The following POLR2L variants were observed in gnomAD, a reference collection of about 807,000 sequenced individuals.
POLR2L encodes the protein RNA polymerase II, I and III subunit L.
POLR2L carries 7 observed loss-of-function variants against 6.8 expected under a neutral mutation model. The observed-to-expected ratio is 1.03, with a 90% CI of 0.59 to 1.94. The LOEUF is 1.94. Ranked by LOEUF, POLR2L falls within the 30% of genes most tolerant of loss-of-function variation. The probability of loss-of-function intolerance (pLI) is 0.00; values close to 1 mark genes in which losing one functional copy is unlikely to be tolerated. For missense variants in POLR2L, 93 were observed against 86.7 expected (o/e 1.07, Z -0.29); for synonymous variants, 59 against 39.8 (o/e 1.48, Z -1.82).
In POLR2L at chr11:840,309, G is replaced by A. The variant is rs1431637232; in HGVS notation, c.*63C>T. The A allele has an allele frequency of 3.7e-6, 4 of 1,079,024 alleles. No individual in the cohort carries two copies. The highest frequency in any genetic ancestry group is 5.5e-6 in the Non-Finnish European group (4 of 721,596). The allele number at this position is 1,079,024 out of a possible 1,614,324, so 66.8% of individuals were successfully genotyped here. On this transcript the variant is annotated 3_prime_UTR_variant, in exon 2 of 2. Coordinates refer to ENST00000322028, the MANE Select transcript of POLR2L (RefSeq NM_021128.5). ...CAGCTCCCGGATGCCTCAGCCTCGT[G>A]AATTCGGGGCAGGACGCTCAGGGCC...
chr11:840,582 C>A (rs889617053), intron 1 of POLR2L, 102 bp from the exon 2 acceptor site: 4 of 729,060 alleles, frequency 5.5e-6, no homozygotes, highest in Admixed American at 2.4e-5. Context: ...GGCCTCACCC[C>A]CCCCGCCACC....
intron 1 of POLR2L, among the ~76,000 whole-genome samples, chr11:840,921 G>A (rs1846948262): frequency 6.6e-6 from 1 of 152,136 alleles, no homozygotes; most frequent in Non-Finnish European, 1.5e-5. Flanking sequence ...CTGCTCTGCC[G>A]CTGTGGGGTC....
rs776398682 is a variant in POLR2L, at chr11:840,513, G to A, written c.96-33C>T. 7.6e-6 allele frequency: 11 copies of A among 1,448,232 alleles called. No homozygotes were observed. The East Asian group carries it at 2.0e-4, about 27-fold the overall frequency. The allele number at this position is 1,448,232 out of a possible 1,614,324, so 89.7% of individuals were successfully genotyped here. A position where few individuals can be genotyped will look rare whatever the true frequency, so the allele number is the denominator to read the frequency against. ...GAGGGGAGGAGCAGAGGCCAACTGA[G>A]TTCTCTACGGTCTGCAAAGGCCTGG... On this transcript the variant is annotated intron_variant, in intron 1 of 1. Transcript: ENST00000322028.
chr11:840,183 T>C lies in POLR2L; in HGVS notation c.*189A>G, dbSNP rs1000676155. On this transcript the variant is annotated 3_prime_UTR_variant, in exon 2 of 2. Coordinates refer to ENST00000322028, the MANE Select transcript of POLR2L (RefSeq NM_021128.5). The stretch of plus-strand genomic sequence containing the variant: ...GGCCTAGACCTGGCTCCTGACATCC[T>C]AGTGAGGGCTGGGACCTTAGTGGTT... The C allele has an allele frequency of 1.3e-5, 7 of 542,072 alleles. No homozygotes were observed. Among genetic ancestry groups the C allele is most frequent in the African/African-American group, 2.0e-5 (1 of 50,826 alleles). The allele number at this position is 542,072 out of a possible 1,614,324, so 33.6% of individuals were successfully genotyped here. A position where few individuals can be genotyped will look rare whatever the true frequency, so the allele number is the denominator to read the frequency against.
At position 840,353 on chromosome 11, in the gene POLR2L, T is replaced by C. The variant is rs1292727268; in HGVS notation, c.*19A>G. Reference sequence around the variant, plus strand: ...CAGGGCCCATGGTCAGCACAGCGGGTGGGTGGGTTCCAGCGTGGTCACTTC... The same window carrying C: ...CAGGGCCCATGGTCAGCACAGCGGGCGGGTGGGTTCCAGCGTGGTCACTTC... On this transcript the variant is annotated 3_prime_UTR_variant, in exon 2 of 2. Transcript: ENST00000322028. 6.7e-7 allele frequency: 1 copy of C among 1,493,482 alleles called. No homozygotes were observed. Among genetic ancestry groups the C allele is most frequent in the Non-Finnish European group, 9.3e-7 (1 of 1,078,636 alleles). 92.5% of individuals were successfully genotyped at this position (1,493,482 alleles called of 1,614,324 possible).
intron 1 of POLR2L, among the ~76,000 whole-genome samples, chr11:841,457 G>A (rs1339973820): frequency 4.6e-5 from 7 of 152,104 alleles, no homozygotes; most frequent in Admixed American, 2.6e-4. Flanking sequence ...TGCGTGAGAC[G>A]GAGTTTCACT....
intron 1 of POLR2L, among the ~76,000 whole-genome samples, chr11:841,728 A>G (rs548631523): frequency 7.9e-5 from 12 of 152,124 alleles, no homozygotes; most frequent in South Asian, 2.1e-4. Flanking sequence ...GCGAAATCCC[A>G]TCTCTACTGA....
In POLR2L at chr11:839,975, G is replaced by C. The variant is rs1846919309; in HGVS notation, c.*397C>G. ...TGGCTCTTCAGATTCCGAGAGAGAG[G>C]GTACAGGAGCCTCTCTGCTCAGCCT... On this transcript the variant is annotated 3_prime_UTR_variant, in exon 2 of 2. Coordinates refer to ENST00000322028, the MANE Select transcript of POLR2L (RefSeq NM_021128.5). 1 of 164,824 alleles carries C rather than the reference G, an allele frequency of 6.1e-6. No individual in the cohort carries two copies. Among genetic ancestry groups the C allele is most frequent in the Non-Finnish European group, 1.3e-5 (1 of 76,406 alleles). The allele number at this position is 164,824 out of a possible 1,614,324, so 10.2% of individuals were successfully genotyped here.
In POLR2L at chr11:840,367, C is replaced by A. The variant is rs3210213; in HGVS notation, c.*5G>T. The A allele has an allele frequency of 6.3e-7, 1 of 1,576,504 alleles. No homozygotes were observed. The highest frequency in any genetic ancestry group is 8.7e-7 in the Non-Finnish European group (1 of 1,150,402). The stretch of plus-strand genomic sequence containing the variant: ...AGCACAGCGGGTGGGTGGGTTCCAG[C>A]GTGGTCACTTCTCCAGGGGTGCATA... On this transcript the variant is annotated 3_prime_UTR_variant, in exon 2 of 2. Transcript: ENST00000322028.
chr11:842,000 G>A (rs1288240592), intron 1 of POLR2L, among the ~76,000 whole-genome samples: 2 of 152,178 alleles, frequency 1.3e-5, no homozygotes, highest in South Asian at 2.1e-4. Context: ...CTCTCGCCTC[G>A]GCCTCCCAAA....
rs769963238 is a variant in POLR2L at position 840,408 on chromosome 11, G to A, written c.168C>T (p.Ile56=). ...RRMLLAHVDL[I]EKLLNYAPLE... Reference sequence around the variant, plus strand: ...GGGGTGCATAATTGAGCAGCTTCTCGATCAGGTCCACGTGGGCCAGCAGCA... The same window carrying A: ...GGGGTGCATAATTGAGCAGCTTCTCAATCAGGTCCACGTGGGCCAGCAGCA... The change falls in exon 2 of 2, where the codon ATC becomes ATT. Residue 56 remains isoleucine, a synonymous_variant. Coordinates refer to ENST00000322028, the MANE Select transcript of POLR2L (RefSeq NM_021128.5). The A allele has an allele frequency of 5.6e-6, 9 of 1,611,294 alleles. No homozygotes were observed. Among genetic ancestry groups the A allele is most frequent in the East Asian group, 2.2e-5 (1 of 44,822 alleles).
rs560999799 is a variant in POLR2L, at chr11:839,939, C to G, written c.*433G>C. The G allele has an allele frequency of 6.4e-6, 1 of 156,390 alleles. No individual in the cohort carries two copies. Among genetic ancestry groups the G allele is most frequent in the Non-Finnish European group, 1.4e-5 (1 of 70,866 alleles). The allele number at this position is 156,390 out of a possible 1,614,324, so 9.7% of individuals were successfully genotyped here. On this transcript the variant is annotated 3_prime_UTR_variant, in exon 2 of 2. Transcript: ENST00000322028. ...GATTATAGGGGTGAGCCCCTTTGCC[C>G]GGCCTAAATCTGGCTCTTCAGATTC... is the stretch of plus-strand genomic sequence containing the variant.
At chr11:840,990 T>C (rs1261419243) in intron 1 of POLR2L, among the ~76,000 whole-genome samples, 3 of 152,102 alleles carry the variant, frequency 2.0e-5, no homozygotes, top group Admixed American at 2.0e-4. Flanking sequence ...GAGCCACCTC[T>C]CCCACTTCCC....
At chr11:842,277 T>G (rs1229831040) in intron 1 of POLR2L, 137 bp downstream of exon 1, 9 of 508,024 alleles carry the variant, frequency 1.8e-5, no homozygotes. Flanking sequence ...AAGCCGGGCC[T>G]GAAGCTGCTC....
intron 1 of POLR2L, 29 bp from the exon 2 acceptor site, chr11:840,509 C>A: frequency 6.8e-7 from 1 of 1,479,582 alleles, no homozygotes; most frequent in Non-Finnish European, 9.4e-7. Flanking sequence ...CAGAGGCCAA[C>A]TGAGTTCTCT....
intron 1 of POLR2L, 134 bp from the exon 2 acceptor site, chr11:840,614 C>T (rs1026268836): frequency 2.5e-5 from 16 of 635,274 alleles, no homozygotes; most frequent in Non-Finnish European, 3.9e-5. Context: ...CAGATTCACC[C>T]GGCTCAGAAG....
intron 1 of POLR2L, among the ~76,000 whole-genome samples, chr11:841,581 G>A (rs1846967812): frequency 6.6e-6 from 1 of 152,092 alleles, no homozygotes; most frequent in Non-Finnish European, 1.5e-5. Context: ...GGGACCACAG[G>A]TGTGCACCGC....
intron 1 of POLR2L, among the ~76,000 whole-genome samples, chr11:841,564 A>C (rs1846967397): frequency 6.6e-6 from 1 of 152,116 alleles, no homozygotes; most frequent in Middle Eastern, 3.2e-3. Context: ...CAGCCTCCCA[A>C]GTAGCTGGGA....
intron 1 of POLR2L, among the ~76,000 whole-genome samples, chr11:841,107 T>G (rs1846953266): frequency 6.6e-6 from 1 of 152,186 alleles, no homozygotes; most frequent in Non-Finnish European, 1.5e-5. Flanking sequence ...CACAGAAGCT[T>G]GGGAAAGGGG....
Sources: allele counts gnomAD v4.1 joint callset (sites outside exome capture counted in the v4.1 genomes callset), GRCh38; gene constraint gnomAD v4.1.1; transcripts MANE v1.5; gene names NCBI Gene and HGNC (gene_info 2026-07-23, HGNC 2026-07-21).